Variants in ITPR2 observed in about 807,000 individuals in gnomAD.
ITPR2 encodes inositol 1,4,5-trisphosphate receptor type 2.
In ITPR2, 207 loss-of-function variants were observed where a neutral mutation model predicts 317.1. That is an observed-to-expected ratio of 0.65 (90% CI 0.58 to 0.73). The LOEUF is 0.73. ITPR2 is among the 30% of genes least tolerant of loss of function. The probability of loss-of-function intolerance (pLI) is 0.00; values close to 1 mark genes in which losing one functional copy is unlikely to be tolerated. For missense variants in ITPR2, 2,613 were observed against 3,284.0 expected (o/e 0.80, Z 4.99); for synonymous variants, 1,156 against 1,149.1 (o/e 1.01, Z -0.12).
intron 45 of ITPR2, among the ~76,000 whole-genome samples, chr12:26,449,717 G>C (rs1258310895): frequency 6.6e-6 from 1 of 152,120 alleles, no homozygotes; most frequent in African/African-American, 2.4e-5. Context: ...TGCATAGAGA[G>C]AGGGATCCCA....
intron 13 of ITPR2, among the ~76,000 whole-genome samples, chr12:26,671,022 A>T (rs1308594431): frequency 6.6e-6 from 1 of 152,076 alleles, no homozygotes; most frequent in Non-Finnish European, 1.5e-5. Context: ...AGAAATGAAC[A>T]AAGCCTCCAA....
At chr12:26,503,889 C>T (rs1439741006) in intron 37 of ITPR2, among the ~76,000 whole-genome samples, 2 of 152,182 alleles carry the variant, frequency 1.3e-5, no homozygotes, top group Non-Finnish European at 2.9e-5. Context: ...ATGCCCAGTG[C>T]CACAAGACAG....
chr12:26,448,531 G>A (rs1300053108), intron 45 of ITPR2, among the ~76,000 whole-genome samples: 1 of 152,062 alleles, frequency 6.6e-6, no homozygotes, highest in South Asian at 2.1e-4. Context: ...GGTCATTATT[G>A]CAAATAGAAA....
In ITPR2 at chr12:26,724,860, G is replaced by A. The variant is rs1035028570; in HGVS notation, c.280-118C>T. 1.5e-4 allele frequency: 91 copies of A among 608,556 alleles called. No individual in the cohort carries two copies. The Middle Eastern group carries it at 4.7e-3, about 32-fold the overall frequency. 37.7% of individuals were successfully genotyped at this position (608,556 alleles called of 1,614,324 possible). A position where few individuals can be genotyped will look rare whatever the true frequency, so the allele number is the denominator to read the frequency against. On this transcript the variant is annotated intron_variant, in intron 3 of 56. Transcript: ENST00000381340. ...CCAGGAATAAAATAGGCTAGTAGTA[G>A]AGTCAGGACTGTAATCTTAGTTTAG...
rs373414719 is a variant in ITPR2, at chr12:26,622,529, G to T, written c.3123-124C>A. The T allele has an allele frequency of 3.9e-4, 273 of 694,750 alleles. 1 individual carries two copies. The South Asian group carries it at 4.0e-3, about 10-fold the overall frequency. The allele number at this position is 694,750 out of a possible 1,614,324, so 43.0% of individuals were successfully genotyped here. On this transcript the variant is annotated intron_variant, in intron 24 of 56. Coordinates refer to ENST00000381340, the MANE Select transcript of ITPR2 (RefSeq NM_002223.4). ...TTTTACCAAATTAGGAAGTGAACAG[G>T]AAAACATTTTCTTTGTTTTCCTCAT... is the stretch of plus-strand genomic sequence containing the variant.
intron 37 of ITPR2, among the ~76,000 whole-genome samples, chr12:26,521,632 G>A (rs894678861): frequency 6.6e-6 from 1 of 152,078 alleles, no homozygotes; most frequent in Non-Finnish European, 1.5e-5. Context: ...AAAACAAGAC[G>A]ATCTTCGTAA....
chr12:26,813,899 G>C (rs190036699), intron 1 of ITPR2, among the ~76,000 whole-genome samples: 1 of 152,270 alleles, frequency 6.6e-6, no homozygotes. Context: ...AAGGTAAAGG[G>C]GTGATTTTAT....
At chr12:26,373,555 C>T (rs1247343539) in intron 55 of ITPR2, 1 of 152,198 alleles carries the variant, frequency 6.6e-6, no homozygotes, top group Non-Finnish European at 1.5e-5. Context: ...AATAACCTCA[C>T]ACAATGGCAA....
At chr12:26,765,363 C>T (rs1949702212) in intron 2 of ITPR2, among the ~76,000 whole-genome samples, 1 of 151,980 alleles carries the variant, frequency 6.6e-6, no homozygotes, top group South Asian at 2.1e-4. Flanking sequence ...TCTTTGCTTG[C>T]TGGTTAGTTT....
intron 37 of ITPR2, among the ~76,000 whole-genome samples, chr12:26,541,507 A>C (rs1179699245): frequency 6.6e-6 from 1 of 152,228 alleles, no homozygotes; most frequent in Non-Finnish European, 1.5e-5. Flanking sequence ...TACAGCTGAT[A>C]ATAAAACTAA....
At chr12:26,817,083 A>G (rs1024594780) in intron 1 of ITPR2, among the ~76,000 whole-genome samples, 2 of 148,854 alleles carry the variant, frequency 1.3e-5, no homozygotes, top group African/African-American at 5.0e-5. Flanking sequence ...GGGGAAGCTG[A>G]GGCAGGAGAA....
rs766818485 is a variant in ITPR2, at chr12:26,494,188, T to C, written c.5335A>G (p.Ile1779Val). The C allele has an allele frequency of 3.7e-6, 6 of 1,613,346 alleles. No homozygotes were observed. In the East Asian group the frequency reaches 8.9e-5, roughly 24 times the overall value. ...RIFSEGIFLGIALLEGGNTQT... is the reference protein window; with the variant it reads ...RIFSEGIFLGVALLEGGNTQT... ...GTATTTCCTCCTTCAAGCAAGGCAA[T>C]GCCGAGGAAAATGCCTTCTGAAAAA... Residue 1779 changes from isoleucine (I) to valine (V), a missense_variant, in exon 39 of 57, where the codon ATT becomes GTT. Physicochemically the swap from Ile to Val is conservative, Grantham distance 29. Transcript: ENST00000381340.
At chr12:26,452,743 G>A (rs1941771025) in intron 45 of ITPR2, among the ~76,000 whole-genome samples, 1 of 152,170 alleles carries the variant, frequency 6.6e-6, no homozygotes, top group Non-Finnish European at 1.5e-5. Flanking sequence ...GCACACGCCT[G>A]CTTCCTTTTC....
chr12:26,509,333 C>T (rs962152499), intron 37 of ITPR2, among the ~76,000 whole-genome samples: 1 of 152,164 alleles, frequency 6.6e-6, no homozygotes, highest in Admixed American at 6.5e-5. Context: ...GGTTGTAAAT[C>T]TGTAAATAAA....
At position 26,538,777 on chromosome 12, in the gene ITPR2, G is replaced by A. The variant is rs573885904; in HGVS notation, c.5073+11470C>T. 2.9e-4 allele frequency among the ~76,000 whole-genome samples: 44 copies of A among 151,910 alleles called. No homozygotes were observed. The South Asian group carries it at 5.0e-3, about 17-fold the overall frequency. On this transcript the variant is annotated intron_variant, in intron 37 of 56. Transcript: ENST00000381340. The stretch of plus-strand genomic sequence containing the variant: ...TTTTTAGTAGATACAGGGTTTCACC[G>A]TGCTGGCCAGGCTGGTCTCGAACTC...
At chr12:26,687,173 A>G (rs1470337768) in intron 10 of ITPR2, among the ~76,000 whole-genome samples, 2 of 152,202 alleles carry the variant, frequency 1.3e-5, no homozygotes, top group East Asian at 1.9e-4. Flanking sequence ...GGAGATCTCC[A>G]CACACAGAAG....
At chr12:26,601,635 A>G (rs1591949322) in intron 28 of ITPR2, among the ~76,000 whole-genome samples, 1 of 152,244 alleles carries the variant, frequency 6.6e-6, no homozygotes, top group East Asian at 1.9e-4. Context: ...ATGAATATAT[A>G]CAAACCCATA....
intron 37 of ITPR2, among the ~76,000 whole-genome samples, chr12:26,536,283 C>T (rs1031085661): frequency 1.3e-5 from 2 of 152,184 alleles, no homozygotes; most frequent in African/African-American, 4.8e-5. Context: ...TCTGGCCTGC[C>T]TGCCATCCCT....
At chr12:26,742,582 A>C (rs979924611) in intron 2 of ITPR2, among the ~76,000 whole-genome samples, 1 of 152,148 alleles carries the variant, frequency 6.6e-6, no homozygotes, top group Non-Finnish European at 1.5e-5. Flanking sequence ...TGGGAGGCTG[A>C]GGCAGATGGA....
Sources: allele counts gnomAD v4.1 joint callset (sites outside exome capture counted in the v4.1 genomes callset), GRCh38; gene constraint gnomAD v4.1.1; transcripts MANE v1.5; gene names NCBI Gene and HGNC (gene_info 2026-07-23, HGNC 2026-07-21).